The following ETS1 variants were observed in gnomAD, a reference collection of about 807,000 sequenced individuals.
The protein encoded by ETS1 is protein C-ets-1.
In ETS1, 15 loss-of-function variants were observed where a neutral mutation model predicts 58.6. That is an observed-to-expected ratio of 0.26 (90% CI 0.17 to 0.39). The LOEUF is 0.39. Among genes scored for constraint, ETS1 ranks in the 10% least tolerant of loss-of-function variants. The pLI is 1.00. For missense variants in ETS1, 417 were observed against 610.5 expected (o/e 0.68, Z 3.34); for synonymous variants, 214 against 218.2 (o/e 0.98, Z 0.17).
At chr11:128,573,270 A>T in intron 1 of ETS1, 126 bp from the exon 2 acceptor site, 1 of 653,538 alleles carries the variant, frequency 1.5e-6, no homozygotes, top group Non-Finnish European at 2.7e-6. Context: ...ACTTCTTTGC[A>T]TGGCAGGGAA....
At chr11:128,571,827 G>A (rs543524042) in intron 2 of ETS1, 3 of 152,152 alleles carry the variant, frequency 2.0e-5, no homozygotes, top group Non-Finnish European at 2.9e-5. Flanking sequence ...TGGATCACCC[G>A]AGGTCAGGAG....
rs1393663175 is a variant in ETS1 at position 128,549,218 on chromosome 11, G to C, written c.214+7073C>G. Among the ~76,000 whole-genome samples the C allele has an allele frequency of 6.6e-6, 1 of 152,188 alleles. No individual in the cohort carries two copies. Among genetic ancestry groups the C allele is most frequent in the Non-Finnish European group, 1.5e-5 (1 of 68,034 alleles). ...GCGGCCAGACACAGCACTACAGGCTGTCCCTGCGGCGCAGCCCGCCCCCAC... is the reference window on the plus strand; with the variant it reads ...GCGGCCAGACACAGCACTACAGGCTCTCCCTGCGGCGCAGCCCGCCCCCAC... On this transcript the variant is annotated intron_variant, in intron 3 of 9. Transcript: ENST00000392668. The surrounding 1 kb of genome is among the most constrained non-coding windows in gnomAD (Gnocchi z 4.3).
intron 2 of ETS1, among the ~76,000 whole-genome samples, chr11:128,564,354 G>A (rs1591665425): frequency 1.3e-5 from 2 of 152,184 alleles, no homozygotes; most frequent in South Asian, 4.1e-4. Flanking sequence ...CTTGGGCCTT[G>A]GTGAAAGTGC....
At chr11:128,552,816 GA>G (rs1162445089) in intron 3 of ETS1, among the ~76,000 whole-genome samples, 4 of 152,196 alleles carry the variant, frequency 2.6e-5, no homozygotes, top group African/African-American at 9.7e-5. Flanking sequence ...GCACCACTCT[GA>G]GGCTCGCTAC....
intron 2 of ETS1, among the ~76,000 whole-genome samples, chr11:128,562,253 A>G (rs184906733): frequency 2.1e-4 from 32 of 152,304 alleles, no homozygotes; most frequent in Admixed American, 1.8e-3. Flanking sequence ...TATTAAAAAT[A>G]TAAAAATTAG....
intron 8 of ETS1, among the ~76,000 whole-genome samples, chr11:128,470,975 T>A (rs1269992829): frequency 6.6e-6 from 1 of 152,200 alleles, no homozygotes; most frequent in Non-Finnish European, 1.5e-5. Flanking sequence ...CACAGGCATA[T>A]ATGGTTTAGG....
At chr11:128,494,830 G>A (rs931464308) in intron 3 of ETS1, among the ~76,000 whole-genome samples, 2 of 152,098 alleles carry the variant, frequency 1.3e-5, no homozygotes, top group Non-Finnish European at 2.9e-5. Flanking sequence ...TGGAGCGTCT[G>A]GGATCCTAGG....
At chr11:128,522,390 C>T (rs1254255360) in intron 3 of ETS1, 2 of 979,222 alleles carry the variant, frequency 2.0e-6, no homozygotes, top group Non-Finnish European at 2.4e-6. Flanking sequence ...GCGTCTCGGC[C>T]GCTGGGTCCG....
rs991052008 is a variant in ETS1, at chr11:128,494,248, C to T, written c.215-3672G>A. ...AACACAGTGGAGATTCTAAACACAA[C>T]GCACTGGAAAATGAGGACATAAATA... On this transcript the variant is annotated intron_variant, in intron 3 of 9. Transcript: ENST00000392668. 7.9e-5 allele frequency among the ~76,000 whole-genome samples: 12 copies of T among 152,194 alleles called. No homozygotes were observed. In the South Asian group the frequency reaches 8.3e-4, roughly 10 times the overall value.
chr11:128,534,760 T>G (rs1245401005), intron 3 of ETS1, among the ~76,000 whole-genome samples: 1 of 152,220 alleles, frequency 6.6e-6, no homozygotes, highest in East Asian at 1.9e-4. Flanking sequence ...ATGATCTTGT[T>G]CTTTTTTATA....
At chr11:128,586,045 T>A (rs1003045874) in intron 1 of ETS1, among the ~76,000 whole-genome samples, 2 of 152,092 alleles carry the variant, frequency 1.3e-5, no homozygotes, top group Non-Finnish European at 2.9e-5. Context: ...AACTAGCACC[T>A]CCGTGTAAGG....
intron 8 of ETS1, among the ~76,000 whole-genome samples, chr11:128,471,734 T>C (rs1862193042): frequency 1.3e-5 from 2 of 152,222 alleles, no homozygotes; most frequent in Admixed American, 6.5e-5. Flanking sequence ...ACTATAAATG[T>C]ACAAAGAAAA....
chr11:128,517,289 T>A (rs920193056), intron 3 of ETS1, among the ~76,000 whole-genome samples: 12 of 152,242 alleles, frequency 7.9e-5, no homozygotes, highest in Non-Finnish European at 1.3e-4. Context: ...CTGCCTGTGT[T>A]CTAATTTCCA....
At chr11:128,535,974 T>C (rs1489149769) in intron 3 of ETS1, among the ~76,000 whole-genome samples, 6 of 152,188 alleles carry the variant, frequency 3.9e-5, no homozygotes, top group Non-Finnish European at 7.4e-5. Context: ...AGGTTCCTAC[T>C]TGTTAAAGTG....
At chr11:128,522,314 G>A (rs1000519631) in intron 3 of ETS1, 3 of 1,063,018 alleles carry the variant, frequency 2.8e-6, no homozygotes, top group African/African-American at 3.4e-5. Flanking sequence ...CGATCTCCCG[G>A]CCGCTCTCCC....
Position 128,462,442 on chromosome 11 carries a change from C to A in ETS1, c.1377G>T (p.Val459=), listed in dbSNP as rs754163262. The A allele has an allele frequency of 1.2e-6, 2 of 1,614,220 alleles. No homozygotes were observed. The highest frequency in any genetic ancestry group is 1.7e-6 in the Non-Finnish European group (2 of 1,180,036). The change falls in exon 10 of 10, where the codon GTG becomes GTT. Residue 459 remains valine (V), a synonymous_variant. Transcript: ENST00000392668. ...TAGKRYVYRF[V]CDLQSLLGYT... ...ACCCCAGCAGGCTCTGCAGGTCACA[C>A]ACAAAGCGGTACACGTAGCGTTTCC...
At chr11:128,486,040 T>A (rs1591607248) in intron 6 of ETS1, 29 bp downstream of exon 6, 1 of 1,428,518 alleles carries the variant, frequency 7.0e-7, no homozygotes, top group East Asian at 2.3e-5. Flanking sequence ...GCTATTATCA[T>A]GAGAGAAGAG....
chr11:128,581,982 CTA>C (rs1864879642), intron 1 of ETS1, among the ~76,000 whole-genome samples: 1 of 152,160 alleles, frequency 6.6e-6, no homozygotes, highest in Admixed American at 6.5e-5. Flanking sequence ...ACTTCTTGGA[CTA>C]TGTCTGATTG....
At chr11:128,492,214 T>G (rs948439545) in intron 3 of ETS1, among the ~76,000 whole-genome samples, 6 of 152,230 alleles carry the variant, frequency 3.9e-5, no homozygotes, top group Admixed American at 3.9e-4. Context: ...TTTCTAAACT[T>G]TGCTTCGTTA....
Sources: gnomAD v4.1 joint callset for allele counts (sites outside exome capture counted in the v4.1 genomes callset) on GRCh38, gnomAD v4.1.1 for gene constraint, Gnocchi (gnomAD v3.1) non-coding constraint, MANE v1.5 for transcripts, NCBI Gene and HGNC (gene_info 2026-07-23, HGNC 2026-07-21) for gene names.